The following FMN2 variants were observed in gnomAD, a reference collection of about 807,000 sequenced individuals.
FMN2 encodes formin 2.
A neutral mutation model predicts 142.3 loss-of-function variants in FMN2; 51 were observed. The ratio of observed to expected loss-of-function variants is 0.36; its 90% CI spans 0.29 to 0.45. The LOEUF is 0.45. Ranked by LOEUF, FMN2 falls within the 20% of genes least tolerant of loss-of-function variation. The pLI, the probability that FMN2 is intolerant of heterozygous loss-of-function variation, is 1.00. For missense variants in FMN2, 1,936 were observed against 2,122.8 expected (o/e 0.91, Z 1.73); for synonymous variants, 882 against 869.8 (o/e 1.01, Z -0.25).
At chr1:240,354,682 T>G (rs1277799073) in intron 13 of FMN2, among the ~76,000 whole-genome samples, 4 of 152,154 alleles carry the variant, frequency 2.6e-5, no homozygotes, top group Non-Finnish European at 4.4e-5. Flanking sequence ...TAATACAGCC[T>G]TCCTAGATTC....
intron 14 of FMN2, among the ~76,000 whole-genome samples, chr1:240,376,173 A>G (rs1398928960): frequency 6.6e-6 from 1 of 151,964 alleles, no homozygotes; most frequent in South Asian, 2.1e-4. Context: ...TACATAATAT[A>G]CCCTTTTATC....
intron 1 of FMN2, among the ~76,000 whole-genome samples, chr1:240,097,992 A>G (rs1234979633): frequency 2.6e-5 from 4 of 151,984 alleles, no homozygotes; most frequent in African/African-American, 9.7e-5. Context: ...GATGAAACCA[A>G]GTAGATCATT....
At chr1:240,370,317 CTTG>C (rs1385504134) in intron 14 of FMN2, among the ~76,000 whole-genome samples, 1 of 151,982 alleles carries the variant, frequency 6.6e-6, no homozygotes, top group Non-Finnish European at 1.5e-5. Context: ...AGAAGTCTAT[CTTG>C]TTTTTTTCAA....
intron 2 of FMN2, among the ~76,000 whole-genome samples, chr1:240,155,418 G>A (rs1026496729): frequency 2.0e-5 from 3 of 152,100 alleles, no homozygotes; most frequent in Admixed American, 6.5e-5. Flanking sequence ...TGGAATAGCT[G>A]GGATTAGATG....
At chr1:240,221,643 C>T (rs1667118944) in intron 6 of FMN2, among the ~76,000 whole-genome samples, 1 of 151,888 alleles carries the variant, frequency 6.6e-6, no homozygotes, top group Non-Finnish European at 1.5e-5. Flanking sequence ...GCCCTTTTGT[C>T]AGATGGATAG....
At chr1:240,094,151 C>T (rs1274773528) in intron 1 of FMN2, among the ~76,000 whole-genome samples, 6 of 152,102 alleles carry the variant, frequency 3.9e-5, no homozygotes, top group African/African-American at 1.4e-4. Context: ...GTTTTGGAGG[C>T]ACAAATCATT....
At chr1:240,223,718 T>C (rs2103427763) in intron 6 of FMN2, among the ~76,000 whole-genome samples, 1 of 152,266 alleles carries the variant, frequency 6.6e-6, no homozygotes, top group East Asian at 1.9e-4. Context: ...CTTGAGAGGG[T>C]GTATGTGTCC....
intron 7 of FMN2, among the ~76,000 whole-genome samples, chr1:240,289,985 T>C (rs1669722034): frequency 6.6e-6 from 1 of 152,190 alleles, no homozygotes. Context: ...ACCACATTTC[T>C]GGTGCTGACA....
chr1:240,123,115 C>G (rs1267819857), intron 1 of FMN2, 64 bp from the exon 2 acceptor site: 3 of 1,584,412 alleles, frequency 1.9e-6, no homozygotes, highest in East Asian at 4.5e-5. Flanking sequence ...GCCGCTGTCC[C>G]CTGGCGAGTT....
chr1:240,110,235 G>A (rs1056662723), intron 1 of FMN2, among the ~76,000 whole-genome samples: 1 of 152,174 alleles, frequency 6.6e-6, no homozygotes, highest in Non-Finnish European at 1.5e-5. Flanking sequence ...AGAGCAGAGT[G>A]TGCCTCCAGT....
intron 8 of FMN2, 57 bp downstream of exon 8, chr1:240,294,940 T>C: frequency 7.1e-7 from 1 of 1,415,316 alleles, no homozygotes; most frequent in South Asian, 1.2e-5. Flanking sequence ...AGTACATGTC[T>C]ATGTGCACAT....
chr1:240,207,047 G>A lies in FMN2; in HGVS notation c.2235G>A (p.Gln745=), dbSNP rs764350976. The part of the protein sequence containing the change: ...HHRILEAKSI[Q]TSPTEEGGVL... The stretch of plus-strand genomic sequence containing the variant: ...GGATTTTAGAGGCGAAATCGATACA[G>A]ACTTCCCCCACGGAAGAGGGCGGGG... The change falls in exon 5 of 18, where the codon CAG becomes CAA. Residue 745 remains glutamine, a synonymous_variant. Transcript: ENST00000319653. 2 of 1,614,150 alleles carry A rather than the reference G, an allele frequency of 1.2e-6. No individual in the cohort carries two copies. The highest frequency in any genetic ancestry group is 4.5e-5 in the East Asian group (2 of 44,874).
intron 10 of FMN2, 28 bp downstream of exon 10, chr1:240,329,496 C>A (rs925842323): frequency 1.2e-6 from 2 of 1,606,242 alleles, no homozygotes; most frequent in Non-Finnish European, 1.7e-6. Flanking sequence ...GAGAGCTGAA[C>A]TTGAGTCTCA....
At chr1:240,429,147 C>T (rs1219137843) in intron 15 of FMN2, among the ~76,000 whole-genome samples, 1 of 151,948 alleles carries the variant, frequency 6.6e-6, no homozygotes, top group Non-Finnish European at 1.5e-5. Context: ...GTTCTTGTAC[C>T]TTATGTCTGA....
chr1:240,456,004 A>C (rs1425548658), intron 16 of FMN2, among the ~76,000 whole-genome samples: 2 of 149,008 alleles, frequency 1.3e-5, no homozygotes, highest in Admixed American at 1.3e-4. Context: ...AATAATAATA[A>C]GTTGCATAAT....
chr1:240,170,629 G>C, intron 2 of FMN2: 1 of 1,577,714 alleles, frequency 6.3e-7, no homozygotes, highest in Non-Finnish European at 8.7e-7. Flanking sequence ...AGTTGTGGCT[G>C]ATATCTCTGT....
intron 3 of FMN2, among the ~76,000 whole-genome samples, chr1:240,178,859 C>T (rs1665036011): frequency 6.6e-6 from 1 of 152,138 alleles, no homozygotes; most frequent in Non-Finnish European, 1.5e-5. Flanking sequence ...ATAGATTTCT[C>T]CTCCACCCGA....
intron 6 of FMN2, among the ~76,000 whole-genome samples, chr1:240,257,721 G>A (rs1668492823): frequency 6.6e-6 from 1 of 152,056 alleles, no homozygotes; most frequent in African/African-American, 2.4e-5. Context: ...ATGTCTTTGA[G>A]GCTGATGGTG....
intron 2 of FMN2, among the ~76,000 whole-genome samples, chr1:240,154,187 G>A (rs2103277943): frequency 6.6e-6 from 1 of 150,956 alleles, no homozygotes; most frequent in African/African-American, 2.4e-5. Context: ...CGTGTCTTAG[G>A]AGAACGTACG....
Sources: allele counts gnomAD v4.1 joint callset (sites outside exome capture counted in the v4.1 genomes callset), GRCh38; gene constraint gnomAD v4.1.1; transcripts MANE v1.5; gene names NCBI Gene and HGNC (gene_info 2026-07-23, HGNC 2026-07-21).